The following SNX16 variants were observed in gnomAD, a reference collection of about 807,000 sequenced individuals.
The protein encoded by SNX16 is sorting nexin 16, also known as sorting nexin-16.
In SNX16, 35 loss-of-function variants were observed where a neutral mutation model predicts 36.7. The ratio of observed to expected loss-of-function variants is 0.95; its 90% CI spans 0.73 to 1.27. The LOEUF (loss-of-function observed/expected upper bound fraction) is 1.27. SNX16 is among the 50% of genes most tolerant of loss of function. The pLI, the probability that SNX16 is intolerant of heterozygous loss-of-function variation, is 0.00. For missense variants in SNX16, 367 were observed against 393.6 expected (o/e 0.93, Z 0.57); for synonymous variants, 134 against 132.0 (o/e 1.02, Z -0.10).
intron 2 of SNX16, among the ~76,000 whole-genome samples, chr8:81,835,527 T>C (rs1356161714): frequency 2.6e-5 from 4 of 152,224 alleles, no homozygotes; most frequent in Non-Finnish European, 5.9e-5. Flanking sequence ...ATGCCTTTAG[T>C]AGCACCCAAG....
At chr8:81,836,107 C>G (rs182832191) in intron 2 of SNX16, among the ~76,000 whole-genome samples, 39 of 152,262 alleles carry the variant, frequency 2.6e-4, no homozygotes, top group African/African-American at 7.7e-4. Flanking sequence ...TATCAGTGAG[C>G]AAGAAATGAA....
chr8:81,827,198 A>G (rs186495511), intron 3 of SNX16, among the ~76,000 whole-genome samples: 132 of 152,252 alleles, frequency 8.7e-4, no homozygotes, highest in Non-Finnish European at 1.3e-3. Flanking sequence ...TTTTTTCTAA[A>G]AGATTTATCT....
intron 2 of SNX16, among the ~76,000 whole-genome samples, chr8:81,838,309 C>G (rs963824502): frequency 2.6e-5 from 4 of 152,028 alleles, no homozygotes; most frequent in African/African-American, 9.7e-5. Flanking sequence ...ATCTATAGAT[C>G]TAACAAAATC....
intron 2 of SNX16, among the ~76,000 whole-genome samples, chr8:81,833,419 T>G (rs1811355161): frequency 1.3e-5 from 2 of 151,998 alleles, no homozygotes; most frequent in East Asian, 3.9e-4. Flanking sequence ...AAGCAATTTA[T>G]CTTTGTAACA....
chr8:81,834,528 T>C (rs567808036), intron 2 of SNX16, among the ~76,000 whole-genome samples: 3 of 152,244 alleles, frequency 2.0e-5, no homozygotes, highest in African/African-American at 7.2e-5. Flanking sequence ...TATGAGCCTA[T>C]AAAATCAAAA....
At chr8:81,815,236 G>T in intron 5 of SNX16, 89 bp downstream of exon 5, 3 of 914,896 alleles carry the variant, frequency 3.3e-6, no homozygotes, top group Non-Finnish European at 4.8e-6. Flanking sequence ...ATAATATTTT[G>T]CTGTTTGCTA....
chr8:81,801,636 G>T, intron 7 of SNX16, 43 bp from the exon 8 acceptor site: 1 of 1,156,596 alleles, frequency 8.6e-7, no homozygotes, highest in Non-Finnish European at 1.2e-6. Context: ...TGATGGGACT[G>T]GATGCATGCT....
At position 81,840,870 on chromosome 8, in the gene SNX16, G is replaced by T. The variant is rs115880707; in HGVS notation, c.-96-788C>A. Among the ~76,000 whole-genome samples the T allele has an allele frequency of 2.2e-3, 337 of 152,274 alleles. 1 individual carries two copies. Among genetic ancestry groups the T allele is most frequent in the African/African-American group, 7.7e-3 (321 of 41,550 alleles). ...CAGAATAGTATCATAACACAAAGAA[G>T]AAATGGTTTACTATTACTTTGTTAA... On this transcript the variant is annotated intron_variant, in intron 1 of 7. Coordinates refer to ENST00000345957, the MANE Select transcript of SNX16 (RefSeq NM_152836.3).
intron 2 of SNX16, among the ~76,000 whole-genome samples, chr8:81,835,902 T>C (rs1258097929): frequency 2.0e-5 from 3 of 152,200 alleles, no homozygotes; most frequent in African/African-American, 2.4e-5. Context: ...TTATTCACTA[T>C]CACAAGAACA....
At chr8:81,808,561 G>T in intron 5 of SNX16, 1 of 997,340 alleles carries the variant, frequency 1.0e-6, no homozygotes, top group Non-Finnish European at 1.6e-6. Flanking sequence ...AATGATTTTG[G>T]CAGTTACAAC....
At chr8:81,808,929 G>T (rs1303495901) in intron 5 of SNX16, among the ~76,000 whole-genome samples, 1 of 151,644 alleles carries the variant, frequency 6.6e-6, no homozygotes, top group Non-Finnish European at 1.5e-5. Flanking sequence ...TGTATAACAG[G>T]TTATTTTAGT....
intron 5 of SNX16, 174 bp downstream of exon 5, chr8:81,815,151 C>T (rs1810423857): frequency 2.4e-6 from 1 of 412,306 alleles, no homozygotes; most frequent in African/African-American, 2.0e-5. Context: ...TGAGCTAAGT[C>T]TATGTATTTC....
At chr8:81,803,290 T>A in intron 5 of SNX16, 62 bp from the exon 6 acceptor site, 1 of 1,473,910 alleles carries the variant, frequency 6.8e-7, no homozygotes, top group Non-Finnish European at 9.1e-7. Context: ...TAATTACAAA[T>A]GCAGTATCTT....
chr8:81,810,361 C>T (rs1810181024), intron 5 of SNX16, among the ~76,000 whole-genome samples: 1 of 151,996 alleles, frequency 6.6e-6, no homozygotes, highest in South Asian at 2.1e-4. Context: ...AACTGAGTAT[C>T]CTTTGAATAA....
At chr8:81,822,167 G>T (rs531760273) in intron 4 of SNX16, among the ~76,000 whole-genome samples, 1 of 152,192 alleles carries the variant, frequency 6.6e-6, no homozygotes, top group East Asian at 1.9e-4. Context: ...GGTGGTGGTG[G>T]TAGTGGTGGT....
rs143129443 is a variant in SNX16, at chr8:81,806,903, C to A, written c.682-3675G>T. On this transcript the variant is annotated intron_variant, in intron 5 of 7. Coordinates refer to ENST00000345957, the MANE Select transcript of SNX16 (RefSeq NM_152836.3). ...TCATCAACAAAAATGATGAGGAATC[C>A]TATGGCTTTCCCTAGATGAAAAAAA... 6.5e-4 allele frequency among the ~76,000 whole-genome samples: 99 copies of A among 151,484 alleles called. 1 individual carries two copies. In the East Asian group the frequency reaches 0.018, roughly 27 times the overall value.
Position 81,829,493 on chromosome 8 carries a change from T to C in SNX16, c.399A>G (p.Lys133=). The change falls in exon 3 of 8, where the codon AAA becomes AAG. Residue 133 remains lysine, a synonymous_variant. Transcript: ENST00000345957. ...KFTVYKILVK[K]TPEESWVVFR... is the part of the protein sequence containing the mutation. The stretch of plus-strand genomic sequence containing the variant: ...AAACTACCCAGCTTTCTTCTGGGGT[T>C]TTCTTTACTAGTATTTTATATACCT... 2 of 1,418,684 alleles carry C rather than the reference T, an allele frequency of 1.4e-6. No homozygotes were observed. The highest frequency in any genetic ancestry group is 1.9e-6 in the Non-Finnish European group (2 of 1,079,746). The allele number at this position is 1,418,684 out of a possible 1,614,324, so 87.9% of individuals were successfully genotyped here.
rs571934805 is a variant in SNX16, at chr8:81,804,007, A to T, written c.682-779T>A. Among the ~76,000 whole-genome samples, 3 of 152,056 alleles carry T rather than the reference A, an allele frequency of 2.0e-5. No individual in the cohort carries two copies. In the East Asian group the frequency reaches 5.8e-4, roughly 29 times the overall value. On this transcript the variant is annotated intron_variant, in intron 5 of 7. Transcript: ENST00000345957. ...AAGATACTGAAGTTGCAAATATCAA[A>T]ATCAAATAGATCTCTAAAACACCAG...
chr8:81,826,779 A>T (rs1488982367), intron 3 of SNX16, among the ~76,000 whole-genome samples: 4 of 152,188 alleles, frequency 2.6e-5, no homozygotes, highest in Non-Finnish European at 5.9e-5. Flanking sequence ...ACATTCAATA[A>T]TTTTTGTATT....
Sources: allele counts gnomAD v4.1 joint callset (sites outside exome capture counted in the v4.1 genomes callset), GRCh38; gene constraint gnomAD v4.1.1; transcripts MANE v1.5; gene names NCBI Gene and HGNC (gene_info 2026-07-23, HGNC 2026-07-21).